RBM6: variants seen among roughly 807,000 people sequenced by gnomAD.
RBM6 encodes the protein RNA binding motif protein 6, also known as RNA-binding protein 6.
RBM6 carries 23 observed loss-of-function variants against 140.4 expected under a neutral mutation model. The ratio of observed to expected loss-of-function variants is 0.16; its 90% confidence interval spans 0.12 to 0.23. The LOEUF is 0.23. RBM6 is among the 10% of genes least tolerant of loss of function. The probability of loss-of-function intolerance (pLI) is 1.00; values close to 1 mark genes in which losing one functional copy is unlikely to be tolerated. For synonymous variants in RBM6, 439 were observed against 475.6 expected (o/e 0.92, Z 1.00); for missense variants, 1,139 against 1,386.7 (o/e 0.82, Z 2.84).
chr3:50,030,111 T>G (rs1445557977), intron 6 of RBM6, among the ~76,000 whole-genome samples: 1 of 151,466 alleles, frequency 6.6e-6, no homozygotes, highest in Non-Finnish European at 1.5e-5. Flanking sequence ...ATAAAAATTT[T>G]ACAAATATAT....
At position 50,077,137 on chromosome 3, in the gene RBM6, A is replaced by G. The variant is rs746066393; in HGVS notation, c.*4A>G. The G allele has an allele frequency of 1.9e-6, 3 of 1,608,524 alleles. No homozygotes were observed. Among genetic ancestry groups the G allele is most frequent in the Non-Finnish European group, 8.5e-7 (1 of 1,178,156 alleles). ...TCGATATAAAGAACTCGATTAAGAA[A>G]GGAGACAAGTTCCATGGGATACAAC... On this transcript the variant is annotated 3_prime_UTR_variant, in exon 21 of 21. Transcript: ENST00000266022.
chr3:49,994,188 T>G (rs2085960709), intron 5 of RBM6, among the ~76,000 whole-genome samples: 1 of 152,132 alleles, frequency 6.6e-6, no homozygotes, highest in African/African-American at 2.4e-5. Flanking sequence ...CTCAGCCTCT[T>G]AAGTAGCTGG....
In RBM6 at chr3:49,968,382, C is replaced by T. The variant is rs2084607237; in HGVS notation, c.957C>T (p.Asp319=). 1 of 1,614,118 alleles carries T rather than the reference C, an allele frequency of 6.2e-7. No homozygotes were observed. The highest frequency in any genetic ancestry group is 8.5e-7 in the Non-Finnish European group (1 of 1,180,010). Residue 319 remains aspartate (D), a synonymous_variant, in exon 3 of 21, where the codon GAC becomes GAT. Transcript: ENST00000266022. ...NVNRREESTH[D]HTIERPAFGI... ...ACAGGAGAGAAGAATCCACACATGA[C>T]CATACGATAGAAAGGCCTGCTTTTG... is the stretch of plus-strand genomic sequence containing the variant.
chr3:49,960,612 G>A (rs111794449), intron 1 of RBM6, among the ~76,000 whole-genome samples: 5 of 152,114 alleles, frequency 3.3e-5, no homozygotes, highest in African/African-American at 1.2e-4. Flanking sequence ...CAAATCCAAG[G>A]TCATGAAGAT....
At chr3:50,008,546 C>CT (rs5848909) in intron 6 of RBM6, among the ~76,000 whole-genome samples, 880 of 73,720 alleles carry the variant, frequency 0.012, 69 homozygotes, top group African/African-American at 0.031. Context: ...TCTTTTGTAA[C>CT]TTTTTTTTTT....
At chr3:50,053,335 C>T (rs1005997193) in intron 7 of RBM6, among the ~76,000 whole-genome samples, 2 of 152,090 alleles carry the variant, frequency 1.3e-5, no homozygotes. Flanking sequence ...AGTTCGAGAC[C>T]AGCCTGACCA....
chr3:49,967,770 C>G lies in RBM6; in HGVS notation c.345C>G (p.Phe115Leu), dbSNP rs1159581090. 2 of 1,614,078 alleles carry G rather than the reference C, an allele frequency of 1.2e-6. No homozygotes were observed. The highest frequency in any genetic ancestry group is 2.2e-5 in the South Asian group (2 of 91,072). ...FQSRDSSQLD[F>L]RGRDIHSGDF... ...GCAGAGATTCATCACAGTTGGACTT[C>G]AGGGGTAGGGACATACATTCTGGGG... The change falls in exon 3 of 21, where the codon TTC becomes TTG. Residue 115 changes from phenylalanine (F) to leucine (L), a missense_variant. Transcript: ENST00000266022. The surrounding 1 kb of genome is among the most constrained non-coding windows in gnomAD (Gnocchi z 4.0).
intron 1 of RBM6, among the ~76,000 whole-genome samples, chr3:49,950,129 T>G (rs1340155162): frequency 1.3e-5 from 2 of 152,120 alleles, no homozygotes; most frequent in East Asian, 3.9e-4. Context: ...TTTAAAAGCT[T>G]GTAGTTGGAT....
At chr3:50,004,282 T>C (rs753826115) in intron 6 of RBM6, among the ~76,000 whole-genome samples, 15 of 144,450 alleles carry the variant, frequency 1.0e-4, no homozygotes, top group Non-Finnish European at 1.6e-4. Context: ...TTTCTTTTTC[T>C]TTTTTTCTTT....
chr3:49,965,136 C>T (rs531909308), intron 2 of RBM6, among the ~76,000 whole-genome samples: 8 of 152,182 alleles, frequency 5.3e-5, no homozygotes, highest in African/African-American at 1.9e-4. Flanking sequence ...TCTAAGAACC[C>T]TGCTACAGTA....
At chr3:50,030,555 TTA>T (rs2108820415) in intron 6 of RBM6, among the ~76,000 whole-genome samples, 1 of 152,314 alleles carries the variant, frequency 6.6e-6, no homozygotes, top group Admixed American at 6.5e-5. Context: ...CTTCTGCCTC[TTA>T]CCAGTAATTT....
At chr3:49,995,940 C>A (rs556789601) in intron 5 of RBM6, among the ~76,000 whole-genome samples, 2 of 152,308 alleles carry the variant, frequency 1.3e-5, no homozygotes, top group African/African-American at 4.8e-5. Context: ...TATAGCAATA[C>A]AACCACTGTA....
intron 6 of RBM6, among the ~76,000 whole-genome samples, chr3:50,016,078 T>C (rs1054137214): frequency 3.3e-5 from 5 of 152,214 alleles, no homozygotes; most frequent in Admixed American, 2.0e-4. Flanking sequence ...ACTAACATTC[T>C]CCCGTTCTCC....
At chr3:50,006,483 T>C (rs2086580776) in intron 6 of RBM6, among the ~76,000 whole-genome samples, 1 of 152,148 alleles carries the variant, frequency 6.6e-6, no homozygotes, top group Non-Finnish European at 1.5e-5. Context: ...TGTAGCAGTA[T>C]AACATAGTAT....
intron 19 of RBM6, among the ~76,000 whole-genome samples, chr3:50,073,846 CT>C (rs35212132): frequency 0.033 from 4,845 of 147,100 alleles, 285 homozygotes; most frequent in African/African-American, 0.11. Flanking sequence ...CCCATGCAGC[CT>C]TTTTTTTTTT....
intron 14 of RBM6, 54 bp downstream of exon 14, chr3:50,061,601 C>CTTTTTTTTTTTTTTT: frequency 1.0e-6 from 1 of 980,412 alleles, no homozygotes; most frequent in Non-Finnish European, 1.3e-6. Context: ...GTCAATGATT[C>CTTTTTTTTTTTTTTT]TTTTGAGAAA....
intron 4 of RBM6, among the ~76,000 whole-genome samples, chr3:49,974,055 G>T (rs746905709): frequency 2.0e-5 from 3 of 151,512 alleles, no homozygotes; most frequent in Non-Finnish European, 4.4e-5. Context: ...GTGCCACCAC[G>T]CCCGGCTAAG....
Position 49,982,262 on chromosome 3 carries a change from C to CTTTTTTTT in RBM6, c.1483+6891_1483+6898dup, listed in dbSNP as rs751604271. Among the ~76,000 whole-genome samples, 130 of 68,400 alleles carry CTTTTTTTT rather than the reference C, an allele frequency of 1.9e-3. 8 individuals are homozygous for CTTTTTTTT. Among genetic ancestry groups the CTTTTTTTT allele is most frequent in the African/African-American group, 6.4e-3 (108 of 16,768 alleles). 44.9% of individuals were successfully genotyped at this position (68,400 alleles called of 152,430 possible). Reference sequence around the variant, plus strand: ...GTACCTTCTGCATTTCTTTTCTTTTCTTTTTTTTTTTTTTTTTTTTTTTTT... The same window carrying CTTTTTTTT: ...GTACCTTCTGCATTTCTTTTCTTTTCTTTTTTTTTTTTTTTTTTTTTTTTTTTTTTTTT... On this transcript the variant is annotated intron_variant, in intron 5 of 20. Transcript: ENST00000266022.
chr3:50,000,834 T>A (rs1449875629), intron 6 of RBM6, among the ~76,000 whole-genome samples: 1 of 152,200 alleles, frequency 6.6e-6, no homozygotes, highest in Non-Finnish European at 1.5e-5. Context: ...TGTGGCTCAT[T>A]ATACGTACTT....
Sources: gnomAD v4.1 joint callset for allele counts (sites outside exome capture counted in the v4.1 genomes callset) on GRCh38, gnomAD v4.1.1 for gene constraint, Gnocchi (gnomAD v3.1) non-coding constraint, MANE v1.5 for transcripts, NCBI Gene and HGNC (gene_info 2026-07-23, HGNC 2026-07-21) for gene names.